The following JAKMIP1 variants were observed in gnomAD, a reference collection of about 807,000 sequenced individuals.
JAKMIP1 encodes janus kinase and microtubule-interacting protein 1.
A neutral mutation model predicts 113.0 loss-of-function variants in JAKMIP1; 33 were observed. That is an observed-to-expected ratio of 0.29 (90% CI 0.22 to 0.39). The LOEUF is 0.39. JAKMIP1 is among the 10% of genes least tolerant of loss of function. JAKMIP1 has a pLI of 1.00. For synonymous variants in JAKMIP1, 480 were observed against 459.9 expected (o/e 1.04, Z -0.56); for missense variants, 813 against 1,080.5 (o/e 0.75, Z 3.47).
chr4:6,142,774 C>T lies in JAKMIP1; in HGVS notation c.-147-29777G>A, dbSNP rs951219855. On this transcript the variant is annotated intron_variant, in intron 1 of 20. Transcript: ENST00000409021. The surrounding 1 kb of genome is among the most constrained non-coding windows in gnomAD (Gnocchi z 5.5). Reference sequence around the variant, plus strand: ...CAGAGATCAGTTCATGAAGGCAGAGCTGGTTATGTGGCAGATCCTCCCAGG... The same window carrying T: ...CAGAGATCAGTTCATGAAGGCAGAGTTGGTTATGTGGCAGATCCTCCCAGG... 1.3e-5 allele frequency among the ~76,000 whole-genome samples: 2 copies of T among 152,162 alleles called. No individual in the cohort carries two copies. The highest frequency in any genetic ancestry group is 2.9e-5 in the Non-Finnish European group (2 of 68,040).
At chr4:6,104,574 C>T (rs1713592749) in intron 3 of JAKMIP1, among the ~76,000 whole-genome samples, 1 of 152,234 alleles carries the variant, frequency 6.6e-6, no homozygotes, top group South Asian at 2.1e-4. Context: ...TAAGATGTCT[C>T]TCTTGTAAAT....
rs1719535645 is a variant in JAKMIP1, at chr4:6,138,157, T to C, written c.-147-25160A>G. Among the ~76,000 whole-genome samples the C allele has an allele frequency of 2.0e-5, 3 of 152,336 alleles. No individual in the cohort carries two copies. In the South Asian group the frequency reaches 6.2e-4, roughly 32 times the overall value. The stretch of plus-strand genomic sequence containing the variant: ...CTGTGCTCCGTCCCTCTACTTAAAG[T>C]AGCTGGACAGAGTGGCTTCTGTTAT... On this transcript the variant is annotated intron_variant, in intron 1 of 20. Transcript: ENST00000409021. The surrounding 1 kb of genome is among the most constrained non-coding windows in gnomAD (Gnocchi z 6.0).
chr4:6,083,419 G>C (rs149287864), intron 5 of JAKMIP1, among the ~76,000 whole-genome samples: 1,644 of 146,242 alleles, frequency 0.011, 40 homozygotes, highest in African/African-American at 0.039. Flanking sequence ...AAAAAAAAAA[G>C]ATTGAAGCGT....
rs1165080217 is a variant in JAKMIP1, at chr4:6,059,316, C to A, written c.1644+1108G>T. Among the ~76,000 whole-genome samples the A allele has an allele frequency of 6.6e-6, 1 of 152,182 alleles. No homozygotes were observed. Among genetic ancestry groups the A allele is most frequent in the Non-Finnish European group, 1.5e-5 (1 of 68,032 alleles). Reference sequence around the variant, plus strand: ...GGGAACCTCAGTCTCAACCCCGAGCCCTGCGGCAGCCATTCTGAGCTGCCA... The same window carrying A: ...GGGAACCTCAGTCTCAACCCCGAGCACTGCGGCAGCCATTCTGAGCTGCCA... On this transcript the variant is annotated intron_variant, in intron 11 of 20. Transcript: ENST00000409021. This position sits in a 1 kb window ranked among gnomAD's most constrained non-coding sequence, Gnocchi z 4.8.
rs1363416201 is a variant in JAKMIP1, at chr4:6,199,118, G to T, written c.-148+1135C>A. ...GGAGCTGGCCAGCTGAAGTTAGGGC[G>T]TTCGCGGAGAGAGCACAGCACTGGC... On this transcript the variant is annotated intron_variant, in intron 1 of 20. Transcript: ENST00000409021. This position sits in a 1 kb window ranked among gnomAD's most constrained non-coding sequence, Gnocchi z 5.6. Among the ~76,000 whole-genome samples the T allele has an allele frequency of 6.6e-6, 1 of 152,284 alleles. No homozygotes were observed. Among genetic ancestry groups the T allele is most frequent in the African/African-American group, 2.4e-5 (1 of 41,484 alleles).
intron 1 of JAKMIP1, among the ~76,000 whole-genome samples, chr4:6,170,032 TCAC>T (rs1177725000): frequency 2.0e-4 from 15 of 75,730 alleles, no homozygotes; most frequent in Admixed American, 1.2e-3. Flanking sequence ...CACATTCCCA[TCAC>T]CACCACCACC....
rs531342879 is a variant in JAKMIP1, at chr4:6,154,434, A to T, written c.-147-41437T>A. Reference sequence around the variant, plus strand: ...GTCCCCATTTCACAACAAGCTAAAAACCGAACAGAAGCCTTTAGTTCCCTG... The same window carrying T: ...GTCCCCATTTCACAACAAGCTAAAATCCGAACAGAAGCCTTTAGTTCCCTG... On this transcript the variant is annotated intron_variant, in intron 1 of 20. Coordinates refer to ENST00000409021, the MANE Select transcript of JAKMIP1 (RefSeq NM_001099433.2). The surrounding 1 kb of genome is among the most constrained non-coding windows in gnomAD (Gnocchi z 4.2). 7.9e-5 allele frequency among the ~76,000 whole-genome samples: 12 copies of T among 152,060 alleles called. No individual in the cohort carries two copies. Among genetic ancestry groups the T allele is most frequent in the African/African-American group, 2.2e-4 (9 of 41,484 alleles).
chr4:6,059,692 G>T lies in JAKMIP1; in HGVS notation c.1644+732C>A, dbSNP rs1716991653. The stretch of plus-strand genomic sequence containing the variant: ...TGCCCCCCTCCCTGAATCCCTGAGA[G>T]GCCCTTGGGAGAAACAGGAGTGTGA... On this transcript the variant is annotated intron_variant, in intron 11 of 20. Transcript: ENST00000409021. The surrounding 1 kb of genome is among the most constrained non-coding windows in gnomAD (Gnocchi z 4.8). 6.6e-6 allele frequency among the ~76,000 whole-genome samples: 1 copy of T among 152,100 alleles called. No individual in the cohort carries two copies. Among genetic ancestry groups the T allele is most frequent in the South Asian group, 2.1e-4 (1 of 4,822 alleles).
At position 6,162,280 on chromosome 4, in the gene JAKMIP1, G is replaced by T. The variant is rs1723065988; in HGVS notation, c.-148+37973C>A. Among the ~76,000 whole-genome samples the T allele has an allele frequency of 6.6e-6, 1 of 152,174 alleles. No homozygotes were observed. The highest frequency in any genetic ancestry group is 2.1e-4 in the South Asian group (1 of 4,828). ...GGAAGGCCTACCTAGGTGGTGACAG[G>T]GCCAGCAGAGGAGAGACTCACCAGG... On this transcript the variant is annotated intron_variant, in intron 1 of 20. Transcript: ENST00000409021. The surrounding 1 kb of genome is among the most constrained non-coding windows in gnomAD (Gnocchi z 5.6).
At position 6,161,345 on chromosome 4, in the gene JAKMIP1, T is replaced by C. The variant is rs115934129; in HGVS notation, c.-148+38908A>G. 1.6e-3 allele frequency among the ~76,000 whole-genome samples: 229 copies of C among 141,630 alleles called. 1 individual carries two copies. The highest frequency in any genetic ancestry group is 7.0e-3 in the African/African-American group (224 of 31,976). The allele number at this position is 141,630 out of a possible 152,430, so 92.9% of individuals were successfully genotyped here. A position where few individuals can be genotyped will look rare whatever the true frequency, so the allele number is the denominator to read the frequency against. The stretch of plus-strand genomic sequence containing the variant: ...CCACTCACCTCCCCTAGCCTCCACA[T>C]TGCAAGACTGAGCCCACTTTTTGTG... On this transcript the variant is annotated intron_variant, in intron 1 of 20. Coordinates refer to ENST00000409021, the MANE Select transcript of JAKMIP1 (RefSeq NM_001099433.2).
Position 6,065,138 on chromosome 4 carries a change from C to CCCCA in JAKMIP1, c.1303-131_1303-130insTGGG. On this transcript the variant is annotated intron_variant, in intron 8 of 20. Transcript: ENST00000409021. This position sits in a 1 kb window ranked among gnomAD's most constrained non-coding sequence, Gnocchi z 5.1. ...TGGGCCACTGGGGCATCACAAGATG[C>CCCCA]GGTTGGTGGGCTTCGTAACTGACTG... is the stretch of plus-strand genomic sequence containing the variant. The CCCCA allele has an allele frequency of 8.7e-7, 1 of 1,155,988 alleles. No individual in the cohort carries two copies. Among genetic ancestry groups the CCCCA allele is most frequent in the Non-Finnish European group, 1.3e-6 (1 of 788,910 alleles). 71.6% of individuals were successfully genotyped at this position (1,155,988 alleles called of 1,614,324 possible).
At chr4:6,163,094 C>T (rs1238608888) in intron 1 of JAKMIP1, among the ~76,000 whole-genome samples, 3 of 152,242 alleles carry the variant, frequency 2.0e-5, no homozygotes, top group South Asian at 4.1e-4. Flanking sequence ...CTGCAGAGTT[C>T]AGACCCTGAG....
intron 8 of JAKMIP1, among the ~76,000 whole-genome samples, chr4:6,075,231 T>C (rs966216270): frequency 6.6e-6 from 1 of 152,168 alleles, no homozygotes; most frequent in Non-Finnish European, 1.5e-5. Context: ...CATCCATTTT[T>C]TTTTTCCTGA....
intron 1 of JAKMIP1, among the ~76,000 whole-genome samples, chr4:6,124,146 G>A (rs971020170): frequency 1.3e-5 from 2 of 152,156 alleles, no homozygotes; most frequent in Non-Finnish European, 1.5e-5. Flanking sequence ...TTCTCTCCAC[G>A]CAGGACTCTC....
intron 1 of JAKMIP1, among the ~76,000 whole-genome samples, chr4:6,131,078 C>A (rs114828721): frequency 0.011 from 1,564 of 145,250 alleles, 24 homozygotes; most frequent in African/African-American, 0.038. Flanking sequence ...GGGAGGATCA[C>A]CCGGGCTCAG....
At position 6,097,698 on chromosome 4, in the gene JAKMIP1, C is replaced by T. The variant is rs1712058974; in HGVS notation, c.624+7775G>A. Among the ~76,000 whole-genome samples the T allele has an allele frequency of 6.6e-6, 1 of 152,278 alleles. No homozygotes were observed. The highest frequency in any genetic ancestry group is 6.5e-5 in the Admixed American group (1 of 15,294). On this transcript the variant is annotated intron_variant, in intron 3 of 20. Coordinates refer to ENST00000409021, the MANE Select transcript of JAKMIP1 (RefSeq NM_001099433.2). The surrounding 1 kb of genome is among the most constrained non-coding windows in gnomAD (Gnocchi z 4.3). ...GGGGAAGCTTTACAGATCACTTCCC[C>T]ATTTTGCAACAAAAAATGCAATAAG...
At chr4:6,191,483 A>C (rs576435175) in intron 1 of JAKMIP1, among the ~76,000 whole-genome samples, 1 of 152,368 alleles carries the variant, frequency 6.6e-6, no homozygotes, top group South Asian at 2.1e-4. Flanking sequence ...ATGGGGACCC[A>C]GATCCTCGCA....
In JAKMIP1 at chr4:6,111,865, A is replaced by G. The variant is rs998493810; in HGVS notation, c.129+857T>C. Among the ~76,000 whole-genome samples, 4 of 152,224 alleles carry G rather than the reference A, an allele frequency of 2.6e-5. No homozygotes were observed. In the East Asian group the frequency reaches 5.8e-4, roughly 22 times the overall value. On this transcript the variant is annotated intron_variant, in intron 2 of 20. Transcript: ENST00000409021. Reference sequence around the variant, plus strand: ...AGCCCTGAGTCCAGACCACAGCCCCATCACATCTAAGAAAGCACATATATG... The same window carrying G: ...AGCCCTGAGTCCAGACCACAGCCCCGTCACATCTAAGAAAGCACATATATG...
rs56832267 is a variant in JAKMIP1 at position 6,069,752 on chromosome 4, C to CA, written c.1303-4745dup. Among the ~76,000 whole-genome samples the CA allele has an allele frequency of 0.11, 13,808 of 124,914 alleles. 1,452 individuals carry two copies. The highest frequency in any genetic ancestry group is 0.31 in the African/African-American group (10,101 of 32,368). 81.9% of individuals were successfully genotyped at this position (124,914 alleles called of 152,430 possible). ...TGGGTGACAGGGCAAGATCCTGTCT[C>CA]AAAAAAAAAAAAAAAAAGATTCAGT... On this transcript the variant is annotated intron_variant, in intron 8 of 20. Coordinates refer to ENST00000409021, the MANE Select transcript of JAKMIP1 (RefSeq NM_001099433.2). The surrounding 1 kb of genome is among the most constrained non-coding windows in gnomAD (Gnocchi z 4.5).
Sources: gnomAD v4.1 joint callset for allele counts (sites outside exome capture counted in the v4.1 genomes callset) on GRCh38, gnomAD v4.1.1 for gene constraint, Gnocchi (gnomAD v3.1) non-coding constraint, MANE v1.5 for transcripts, NCBI Gene and HGNC (gene_info 2026-07-23, HGNC 2026-07-21) for gene names.